Variants in SYNPR observed in about 807,000 individuals in gnomAD.
SYNPR encodes synaptoporin.
In SYNPR, 23 loss-of-function variants were observed where a neutral mutation model predicts 32.9. The observed-to-expected ratio is 0.70, with a 90% confidence interval of 0.50 to 0.99. SYNPR has a LOEUF of 0.99. SYNPR is among the 50% of genes least tolerant of loss of function. The pLI, the probability that SYNPR is intolerant of heterozygous loss-of-function variation, is 0.00. For missense variants in SYNPR, 318 were observed against 349.3 expected (o/e 0.91, Z 0.71); for synonymous variants, 146 against 135.9 (o/e 1.07, Z -0.52).
At chr3:63,585,398 C>A (rs1043799901) in intron 4 of SYNPR, among the ~76,000 whole-genome samples, 2 of 151,906 alleles carry the variant, frequency 1.3e-5, no homozygotes, top group African/African-American at 4.8e-5. Flanking sequence ...AGCATGCATG[C>A]CCCTGGAAGG....
intron 2 of SYNPR, among the ~76,000 whole-genome samples, chr3:63,472,860 T>C (rs112782072): frequency 1.3e-5 from 2 of 152,138 alleles, no homozygotes. Context: ...AAGAGTCAGA[T>C]AGTAAATATG....
intron 3 of SYNPR, among the ~76,000 whole-genome samples, chr3:63,546,100 A>C (rs2106812758): frequency 6.6e-6 from 1 of 152,232 alleles, no homozygotes; most frequent in African/African-American, 2.4e-5. Context: ...TTTTCCCTGA[A>C]ATGTACAGAT....
At chr3:63,445,830 C>T (rs938868867) in intron 2 of SYNPR, among the ~76,000 whole-genome samples, 10 of 152,190 alleles carry the variant, frequency 6.6e-5, no homozygotes, top group South Asian at 4.1e-4. Context: ...CTACAACAAA[C>T]GCCTAGACTG....
intron 3 of SYNPR, among the ~76,000 whole-genome samples, chr3:63,505,010 T>G (rs1164739056): frequency 1.3e-5 from 2 of 151,914 alleles, no homozygotes; most frequent in Admixed American, 6.6e-5. Flanking sequence ...AGTGTGTCTG[T>G]GAGTGAAAGA....
intron 2 of SYNPR, among the ~76,000 whole-genome samples, chr3:63,293,705 G>T (rs770634680): frequency 1.3e-5 from 2 of 152,154 alleles, no homozygotes; most frequent in Non-Finnish European, 2.9e-5. Context: ...ACTTCTGGAA[G>T]TTTGCTGGCA....
At chr3:63,573,353 C>T (rs1702921446) in intron 4 of SYNPR, among the ~76,000 whole-genome samples, 1 of 152,068 alleles carries the variant, frequency 6.6e-6, no homozygotes, top group Non-Finnish European at 1.5e-5. Context: ...TGGGAGCCAA[C>T]CTCAGAACAT....
intron 3 of SYNPR, among the ~76,000 whole-genome samples, chr3:63,540,917 C>CACACAA (rs1372340709): frequency 2.8e-5 from 3 of 106,392 alleles, no homozygotes; most frequent in Non-Finnish European, 5.9e-5. Flanking sequence ...CACACACACA[C>CACACAA]AATCCCCCCC....
chr3:63,562,681 A>C (rs778994484), intron 4 of SYNPR, among the ~76,000 whole-genome samples: 11 of 152,244 alleles, frequency 7.2e-5, no homozygotes, highest in Non-Finnish European at 1.6e-4. Context: ...CTACAGATTC[A>C]ATTTAATTCC....
intron 2 of SYNPR, among the ~76,000 whole-genome samples, chr3:63,414,054 C>T (rs2088505574): frequency 6.6e-6 from 1 of 150,954 alleles, no homozygotes. Flanking sequence ...AGGGAGAGAT[C>T]TGAAAAACAA....
At chr3:63,476,808 T>C (rs1700936656) in intron 2 of SYNPR, among the ~76,000 whole-genome samples, 1 of 152,188 alleles carries the variant, frequency 6.6e-6, no homozygotes, top group Non-Finnish European at 1.5e-5. Flanking sequence ...CAATTTGAGA[T>C]TATTTTATTT....
At chr3:63,326,606 C>A (rs1332651832) in intron 2 of SYNPR, among the ~76,000 whole-genome samples, 1 of 152,090 alleles carries the variant, frequency 6.6e-6, no homozygotes, top group Non-Finnish European at 1.5e-5. Context: ...CACTGAGTGT[C>A]CAGTCTTATC....
intron 2 of SYNPR, among the ~76,000 whole-genome samples, chr3:63,452,359 T>C (rs1469479773): frequency 6.6e-6 from 1 of 152,198 alleles, no homozygotes; most frequent in African/African-American, 2.4e-5. Context: ...CTAAGCCATC[T>C]TGGGTACTAA....
At chr3:63,512,487 C>A (rs1171003596) in intron 3 of SYNPR, among the ~76,000 whole-genome samples, 1 of 152,134 alleles carries the variant, frequency 6.6e-6, no homozygotes, top group Non-Finnish European at 1.5e-5. Flanking sequence ...TTAAATAGAG[C>A]TGTTATCCTG....
chr3:63,437,344 G>A (rs1700101981), intron 2 of SYNPR, among the ~76,000 whole-genome samples: 1 of 152,122 alleles, frequency 6.6e-6, no homozygotes, highest in Admixed American at 6.5e-5. Context: ...TCGTTTACAA[G>A]CGCCCAATTT....
At chr3:63,354,287 C>A (rs1387436370) in intron 2 of SYNPR, among the ~76,000 whole-genome samples, 5 of 152,130 alleles carry the variant, frequency 3.3e-5, no homozygotes, top group African/African-American at 1.2e-4. Context: ...GTAAAGCAAA[C>A]CCTAACTGCA....
intron 2 of SYNPR, among the ~76,000 whole-genome samples, chr3:63,434,809 A>G (rs1700051930): frequency 6.6e-6 from 1 of 152,234 alleles, no homozygotes; most frequent in South Asian, 2.1e-4. Flanking sequence ...AAACAGATGT[A>G]TCTCTGCTAT....
At position 63,399,709 on chromosome 3, in the gene SYNPR, T is replaced by C. The variant is rs551987209; in HGVS notation, c.85-81123T>C. On this transcript the variant is annotated intron_variant, in intron 2 of 5. Coordinates refer to ENST00000478300, the MANE Select transcript of SYNPR (RefSeq NM_001130003.2). ...TGGACCTTGCCTGTGGTAGACTAGG[T>C]TATTGTGCCAAGTTTACTCCCTCCC... Among the ~76,000 whole-genome samples, 4 of 152,202 alleles carry C rather than the reference T, an allele frequency of 2.6e-5. No individual in the cohort carries two copies. The East Asian group carries it at 7.7e-4, about 29-fold the overall frequency.
upstream of SYNPR, among the ~76,000 whole-genome samples, chr3:63,225,751 T>A (rs1455430449): frequency 6.6e-6 from 1 of 152,120 alleles, no homozygotes; most frequent in Non-Finnish European, 1.5e-5. Flanking sequence ...TAGGCAAAGA[T>A]TTTATAGCAA....
rs58221602 is a variant in SYNPR at position 63,541,638 on chromosome 3, T to C, written c.210-14905T>C. On this transcript the variant is annotated intron_variant, in intron 3 of 5. Transcript: ENST00000478300. ...TAATATAATCCTCTTTTTATAAAATTATTTCCCTTCCCACTCACTCACTTA... is the reference window on the plus strand; with the variant it reads ...TAATATAATCCTCTTTTTATAAAATCATTTCCCTTCCCACTCACTCACTTA... 5.5e-3 allele frequency among the ~76,000 whole-genome samples: 832 copies of C among 152,212 alleles called. 4 individuals are homozygous for C. Among genetic ancestry groups the C allele is most frequent in the African/African-American group, 0.019 (775 of 41,550 alleles).
Sources: allele counts gnomAD v4.1 joint callset (sites outside exome capture counted in the v4.1 genomes callset), GRCh38; gene constraint gnomAD v4.1.1; transcripts MANE v1.5; gene names NCBI Gene and HGNC (gene_info 2026-07-23, HGNC 2026-07-21).